Variants in RASA1 observed in about 807,000 individuals in gnomAD.
RASA1 encodes RAS p21 protein activator 1.
A neutral mutation model predicts 132.2 loss-of-function variants in RASA1; 25 were observed. That is an observed-to-expected ratio of 0.19 (90% CI 0.14 to 0.26). The LOEUF is 0.26. Among genes scored for constraint, RASA1 ranks in the 10% least tolerant of loss-of-function variants. The pLI, the probability that RASA1 is intolerant of heterozygous loss-of-function variation, is 1.00. For synonymous variants in RASA1, 477 were observed against 449.9 expected (o/e 1.06, Z -0.76); for missense variants, 964 against 1,299.2 (o/e 0.74, Z 3.97).
chr5:87,345,226 A>T (rs1758770920), intron 6 of RASA1, among the ~76,000 whole-genome samples: 1 of 152,198 alleles, frequency 6.6e-6, no homozygotes, highest in African/African-American at 2.4e-5. Flanking sequence ...TAAATTTTAT[A>T]TGGGAATAAA....
At chr5:87,371,932 T>G (rs1760973861) in intron 12 of RASA1, among the ~76,000 whole-genome samples, 186 bp from the exon 13 acceptor site, 1 of 151,774 alleles carries the variant, frequency 6.6e-6, no homozygotes, top group African/African-American at 2.4e-5. Flanking sequence ...TGTTTTATTA[T>G]TGTTATTGTT....
In RASA1 at chr5:87,383,797, A is replaced by T. The variant is rs763554003; in HGVS notation, c.2758+17A>T. ...TCATCTCAGGTAATCAGCTTTTGAT[A>T]CATTTTGAAATTCAAAATATTAGAA... On this transcript the variant is annotated intron_variant, in intron 21 of 24. Coordinates refer to ENST00000274376, the MANE Select transcript of RASA1 (RefSeq NM_002890.3). 1.3e-6 allele frequency: 2 copies of T among 1,590,016 alleles called. No homozygotes were observed. Among genetic ancestry groups the T allele is most frequent in the African/African-American group, 2.7e-5 (2 of 74,292 alleles).
intron 8 of RASA1, among the ~76,000 whole-genome samples, chr5:87,352,575 AT>A (rs1759353639): frequency 2.0e-5 from 3 of 151,742 alleles, no homozygotes; most frequent in Admixed American, 6.6e-5. Flanking sequence ...TTTTCCCAAT[AT>A]TTCCCAATTT....
At chr5:87,292,192 G>A (rs1236603373) in intron 1 of RASA1, among the ~76,000 whole-genome samples, 1 of 151,950 alleles carries the variant, frequency 6.6e-6, no homozygotes, top group African/African-American at 2.4e-5. Flanking sequence ...CAGCTTATTC[G>A]TTTTTTCTTT....
intron 4 of RASA1, among the ~76,000 whole-genome samples, chr5:87,334,738 G>A (rs1016538441): frequency 3.3e-5 from 5 of 152,192 alleles, no homozygotes; most frequent in African/African-American, 9.6e-5. Flanking sequence ...GTTGATGAGG[G>A]AGTAAAAAAT....
intron 1 of RASA1, among the ~76,000 whole-genome samples, chr5:87,296,023 G>A (rs1755103342): frequency 6.6e-6 from 1 of 151,650 alleles, no homozygotes; most frequent in Non-Finnish European, 1.5e-5. Context: ...TGCCATGTTG[G>A]CCAGGCTGGT....
chr5:87,363,709 T>A (rs1206867576), intron 11 of RASA1, among the ~76,000 whole-genome samples: 1 of 152,034 alleles, frequency 6.6e-6, no homozygotes, highest in Admixed American at 6.6e-5. Context: ...ATCTTTGGCA[T>A]GACATTTCCT....
In RASA1 at chr5:87,386,885, G is replaced by A; in HGVS notation, c.2907G>A (p.Met969Ile). The A allele has an allele frequency of 6.2e-7, 1 of 1,612,010 alleles. No individual in the cohort carries two copies. ...AAAGCAACAAACATCGTATGATCAT[G>A]TTTTTAGATGAACTTGGGGTATGTA... ...FIKSNKHRMIMFLDELGNVPE... is the reference protein window; with the variant it reads ...FIKSNKHRMIIFLDELGNVPE... The change falls in exon 23 of 25, where the codon ATG becomes ATA. Residue 969 changes from methionine to isoleucine, a missense_variant. This residue lies in a region of RASA1 where 107 missense variants were observed against 163.8 expected (regional missense o/e 0.65). Transcript: ENST00000274376.
At chr5:87,345,712 A>T (rs534765174) in intron 6 of RASA1, among the ~76,000 whole-genome samples, 1 of 152,306 alleles carries the variant, frequency 6.6e-6, no homozygotes, top group South Asian at 2.1e-4. Context: ...ATCATTTAAA[A>T]CAATGTGAAT....
intron 1 of RASA1, among the ~76,000 whole-genome samples, chr5:87,316,234 T>C (rs1356275261): frequency 2.0e-5 from 3 of 152,208 alleles, no homozygotes; most frequent in Admixed American, 6.5e-5. Flanking sequence ...CCCTCTAAGA[T>C]GTTCTTGCTA....
chr5:87,391,636 T>C lies in RASA1; in HGVS notation c.*753T>C. The C allele has an allele frequency of 4.3e-6, 1 of 234,174 alleles. No homozygotes were observed. The highest frequency in any genetic ancestry group is 8.4e-6 in the Non-Finnish European group (1 of 118,474). The allele number at this position is 234,174 out of a possible 1,614,324, so 14.5% of individuals were successfully genotyped here. ...TAAATATTATTGGTTGTTGTATTGA[T>C]CAATGCATGTTACCCATTCAACCAT... is the stretch of plus-strand genomic sequence containing the variant. On this transcript the variant is annotated 3_prime_UTR_variant, in exon 25 of 25. Coordinates refer to ENST00000274376, the MANE Select transcript of RASA1 (RefSeq NM_002890.3).
At chr5:87,355,529 T>C (rs1401675072) in intron 9 of RASA1, among the ~76,000 whole-genome samples, 1 of 152,186 alleles carries the variant, frequency 6.6e-6, no homozygotes, top group Non-Finnish European at 1.5e-5. Flanking sequence ...TCACTGACAA[T>C]GCACCTCTAC....
At chr5:87,288,798 A>G (rs1004858047) in intron 1 of RASA1, among the ~76,000 whole-genome samples, 2 of 152,182 alleles carry the variant, frequency 1.3e-5, no homozygotes, top group Non-Finnish European at 1.5e-5. Context: ...ATACTGAGCA[A>G]CTTTATATTT....
rs1238070751 is a variant in RASA1 at position 87,332,005 on chromosome 5, G to GA, written c.693-495dup. On this transcript the variant is annotated intron_variant, in intron 2 of 24. Coordinates refer to ENST00000274376, the MANE Select transcript of RASA1 (RefSeq NM_002890.3). ...TTGTTTCATTTTTATAGAAGAAATTGAAAAAAATCATCTAATGCATATAGT... is the reference window on the plus strand; with the variant it reads ...TTGTTTCATTTTTATAGAAGAAATTGAAAAAAAATCATCTAATGCATATAGT... 4.6e-5 allele frequency among the ~76,000 whole-genome samples: 7 copies of GA among 151,968 alleles called. No homozygotes were observed. The South Asian group carries it at 1.0e-3, about 23-fold the overall frequency.
intron 5 of RASA1, 53 bp downstream of exon 5, chr5:87,338,144 T>G: frequency 6.2e-7 from 1 of 1,606,502 alleles, no homozygotes; most frequent in Admixed American, 1.7e-5. Flanking sequence ...TTTATAAATT[T>G]GGATCTTGTC....
At chr5:87,371,178 A>AT (rs906050539) in intron 12 of RASA1, among the ~76,000 whole-genome samples, 1 of 152,050 alleles carries the variant, frequency 6.6e-6, no homozygotes, top group Non-Finnish European at 1.5e-5. Flanking sequence ...AACATAGAAC[A>AT]TTTTTTAATG....
chr5:87,361,115 A>G (rs1760057485), intron 9 of RASA1, among the ~76,000 whole-genome samples: 1 of 152,126 alleles, frequency 6.6e-6, no homozygotes, highest in African/African-American at 2.4e-5. Context: ...AGTTTTCTGT[A>G]AAGGGTTTTG....
intron 1 of RASA1, among the ~76,000 whole-genome samples, chr5:87,314,072 G>A (rs924224844): frequency 2.6e-5 from 4 of 152,152 alleles, no homozygotes; most frequent in Non-Finnish European, 4.4e-5. Flanking sequence ...GGGAGGCTGA[G>A]GCAGGCAGGA....
intron 6 of RASA1, among the ~76,000 whole-genome samples, chr5:87,344,115 A>C (rs1758673834): frequency 1.3e-5 from 2 of 152,158 alleles, no homozygotes; most frequent in Non-Finnish European, 2.9e-5. Context: ...AATAGGTACA[A>C]AAATACATCT....
Sources: gnomAD v4.1 joint callset for allele counts (sites outside exome capture counted in the v4.1 genomes callset) on GRCh38, gnomAD v4.1.1 for gene constraint, gnomAD v4.1.1 regional missense constraint, MANE v1.5 for transcripts, NCBI Gene and HGNC (gene_info 2026-07-23, HGNC 2026-07-21) for gene names.